Variants in LRRC28 observed in about 807,000 individuals in gnomAD.
LRRC28 encodes the protein leucine rich repeat containing 28, also known as leucine-rich repeat-containing protein 28.
Under a neutral mutation model 45.7 loss-of-function variants are expected in LRRC28, and 39 were observed. That is an observed-to-expected ratio of 0.85 (90% CI 0.66 to 1.12). The LOEUF (loss-of-function observed/expected upper bound fraction) is 1.12. Ranked by LOEUF, LRRC28 falls within the 50% of genes most tolerant of loss-of-function variation. The pLI is 0.00. For synonymous variants in LRRC28, 206 were observed against 178.8 expected (o/e 1.15, Z -1.22); for missense variants, 435 against 438.5 (o/e 0.99, Z 0.07).
At chr15:99,284,525 G>C (rs1279927058) in intron 3 of LRRC28, 3 of 456,282 alleles carry the variant, frequency 6.6e-6, no homozygotes, top group Non-Finnish European at 1.3e-5. Context: ...TGCCACCACT[G>C]TGCTTGGCTG....
intron 9 of LRRC28, among the ~76,000 whole-genome samples, 167 bp from the exon 10 acceptor site, chr15:99,385,863 A>C (rs563812597): frequency 6.6e-6 from 1 of 152,206 alleles, no homozygotes; most frequent in African/African-American, 2.4e-5. Flanking sequence ...TACATACTTC[A>C]CCTGATTCCA....
chr15:99,287,851 T>G lies in LRRC28; in HGVS notation c.285T>G (p.Leu95=). ...TTGTAAAACTCCAATGTCTGGATCTTAGTGACAATGCCTTAGAAATTGTTT... is the reference window on the plus strand; with the variant it reads ...TTGTAAAACTCCAATGTCTGGATCTGAGTGACAATGCCTTAGAAATTGTTT... ...GSLVKLQCLD[L]SDNALEIVCP... The change falls in exon 5 of 10, where the codon CTT becomes CTG. Residue 95 remains leucine (L), a synonymous_variant. Transcript: ENST00000301981. The G allele has an allele frequency of 3.1e-6, 5 of 1,613,706 alleles. No individual in the cohort carries two copies. In the South Asian group the frequency reaches 4.4e-5, roughly 14 times the overall value.
intron 2 of LRRC28, among the ~76,000 whole-genome samples, chr15:99,271,285 ATT>A (rs71287826): frequency 6.9e-6 from 1 of 145,972 alleles, no homozygotes; most frequent in African/African-American, 2.5e-5. Context: ...CAGTGTATCT[ATT>A]TTTTTTTTTT....
At chr15:99,285,018 C>T (rs1187596087) in intron 3 of LRRC28, 7 of 648,544 alleles carry the variant, frequency 1.1e-5, no homozygotes, top group Admixed American at 3.6e-5. Flanking sequence ...GGATGAAGCA[C>T]TAGCCATCTC....
intron 3 of LRRC28, among the ~76,000 whole-genome samples, chr15:99,278,831 G>C (rs74344435): frequency 0.094 from 14,294 of 152,274 alleles, 740 homozygotes; most frequent in African/African-American, 0.14. Context: ...GGCCAGGACT[G>C]CAGTCTCATC....
chr15:99,318,234 G>A (rs1414663448), intron 5 of LRRC28, among the ~76,000 whole-genome samples: 1 of 151,886 alleles, frequency 6.6e-6, no homozygotes, highest in East Asian at 1.9e-4. Flanking sequence ...TTAAATTTTT[G>A]TTTTCTGTTG....
intron 6 of LRRC28, among the ~76,000 whole-genome samples, chr15:99,334,992 C>A (rs1046788324): frequency 6.6e-6 from 1 of 151,948 alleles, no homozygotes. Context: ...ATAATGGATA[C>A]ATTAAAATCA....
intron 6 of LRRC28, among the ~76,000 whole-genome samples, chr15:99,348,758 G>GTTT (rs199840536): frequency 7.3e-6 from 1 of 136,430 alleles, no homozygotes; most frequent in Non-Finnish European, 1.6e-5. Context: ...TTTTTTTTTT[G>GTTT]TTTTTTTTGT....
chr15:99,363,069 T>G, intron 8 of LRRC28, 37 bp from the exon 9 acceptor site: 1 of 1,576,780 alleles, frequency 6.3e-7, no homozygotes, highest in Non-Finnish European at 8.6e-7. Flanking sequence ...AAGTCTGATT[T>G]TTTTACTCGT....
chr15:99,342,093 A>G (rs1956534428), intron 6 of LRRC28, among the ~76,000 whole-genome samples: 2 of 152,174 alleles, frequency 1.3e-5, no homozygotes, highest in South Asian at 4.1e-4. Flanking sequence ...CTCTGAAGGA[A>G]TTCTTGGTAT....
chr15:99,333,347 C>T (rs988590910), intron 5 of LRRC28, among the ~76,000 whole-genome samples: 3 of 152,020 alleles, frequency 2.0e-5, no homozygotes, highest in South Asian at 2.1e-4. Context: ...TAAAAGGTGC[C>T]GCATGCCTAA....
intron 5 of LRRC28, among the ~76,000 whole-genome samples, chr15:99,288,459 G>A (rs2082020246): frequency 1.6e-5 from 2 of 129,014 alleles, no homozygotes; most frequent in South Asian, 4.9e-4. Flanking sequence ...TCAGCTCACT[G>A]TAATCTCTGC....
chr15:99,264,495 A>T (rs988322572), intron 2 of LRRC28, among the ~76,000 whole-genome samples: 1 of 152,250 alleles, frequency 6.6e-6, no homozygotes, highest in Non-Finnish European at 1.5e-5. Flanking sequence ...CCTTAGGTTT[A>T]CTGAGCAATG....
rs1338496465 is a variant in LRRC28 at position 99,390,583 on chromosome 15, T to C, written c.*4481T>C. ...AAATTATGGCAACATTCATTTGGAG[T>C]GTGGCTAAAAACTCATACTTTATCC... On this transcript the variant is annotated 3_prime_UTR_variant, in exon 10 of 10. Transcript: ENST00000301981. 7.2e-5 allele frequency: 11 copies of C among 152,166 alleles called. No homozygotes were observed. Among genetic ancestry groups the C allele is most frequent in the Non-Finnish European group, 2.9e-5 (2 of 68,032 alleles). The allele number at this position is 152,166 out of a possible 1,614,324, so 9.4% of individuals were successfully genotyped here. A position where few individuals can be genotyped will look rare whatever the true frequency, so the allele number is the denominator to read the frequency against.
At chr15:99,323,656 A>C (rs898666094) in intron 5 of LRRC28, among the ~76,000 whole-genome samples, 5 of 152,194 alleles carry the variant, frequency 3.3e-5, no homozygotes, top group African/African-American at 1.2e-4. Flanking sequence ...TTGTGTTTGC[A>C]GTTATTTTGA....
At chr15:99,384,110 A>G (rs192865124) in intron 9 of LRRC28, among the ~76,000 whole-genome samples, 120 of 152,308 alleles carry the variant, frequency 7.9e-4, no homozygotes, top group Non-Finnish European at 1.1e-3. Flanking sequence ...AGACCTTTCA[A>G]TGATCTCTGG....
intron 7 of LRRC28, chr15:99,355,487 T>A (rs1403377721): frequency 6.6e-6 from 1 of 152,242 alleles, no homozygotes; most frequent in Non-Finnish European, 1.5e-5. Flanking sequence ...ACTTGGAGAC[T>A]GGCTGTCACA....
At chr15:99,288,060 G>A (rs1247658961) in intron 5 of LRRC28, 109 bp downstream of exon 5, 2 of 1,135,294 alleles carry the variant, frequency 1.8e-6, no homozygotes, top group African/African-American at 1.6e-5. Flanking sequence ...ATAAGTATTT[G>A]TCCATTTGTT....
chr15:99,292,706 C>T (rs572672141), intron 5 of LRRC28, among the ~76,000 whole-genome samples: 3 of 152,220 alleles, frequency 2.0e-5, no homozygotes, highest in Admixed American at 6.5e-5. Context: ...GGGTTCTACA[C>T]GGGTATGTCC....
Sources: allele counts gnomAD v4.1 joint callset (sites outside exome capture counted in the v4.1 genomes callset), GRCh38; gene constraint gnomAD v4.1.1; transcripts MANE v1.5; gene names NCBI Gene and HGNC (gene_info 2026-07-23, HGNC 2026-07-21).